TMTC2: variants seen among roughly 807,000 people sequenced by gnomAD.
TMTC2 encodes transmembrane O-mannosyltransferase targeting cadherins 2, also known as protein O-mannosyl-transferase TMTC2.
A neutral mutation model predicts 82.4 loss-of-function variants in TMTC2; 43 were observed. The observed-to-expected ratio is 0.52, with a 90% CI of 0.41 to 0.67. The LOEUF is 0.67. Among genes scored for constraint, TMTC2 ranks in the 30% least tolerant of loss-of-function variants. TMTC2 has a pLI of 0.00. For missense variants in TMTC2, 919 were observed against 1,012.4 expected (o/e 0.91, Z 1.25); for synonymous variants, 408 against 381.9 (o/e 1.07, Z -0.80).
At chr12:82,936,009 C>T (rs531536154) in intron 4 of TMTC2, among the ~76,000 whole-genome samples, 25 of 151,858 alleles carry the variant, frequency 1.6e-4, no homozygotes, top group African/African-American at 3.4e-4. Context: ...GTAAGGGTAA[C>T]GTAGGGCAAA....
At chr12:82,832,027 A>T (rs1008309977) in intron 1 of TMTC2, among the ~76,000 whole-genome samples, 2 of 152,178 alleles carry the variant, frequency 1.3e-5, no homozygotes, top group African/African-American at 4.8e-5. Context: ...TTCACAGTTG[A>T]TAGAAAGTGG....
chr12:82,890,308 C>A, intron 2 of TMTC2, among the ~76,000 whole-genome samples: 1 of 151,824 alleles, frequency 6.6e-6, no homozygotes, highest in East Asian at 1.9e-4. Context: ...ATTTTTTCTC[C>A]TAATATTCTG....
chr12:83,073,395 T>C (rs546478728), intron 11 of TMTC2, among the ~76,000 whole-genome samples: 67 of 152,344 alleles, frequency 4.4e-4, no homozygotes, highest in African/African-American at 1.6e-3. Flanking sequence ...TGCTTCTGTC[T>C]CATAGCACTT....
intron 10 of TMTC2, among the ~76,000 whole-genome samples, chr12:83,052,479 G>T (rs1882387559): frequency 6.6e-6 from 1 of 152,056 alleles, no homozygotes; most frequent in African/African-American, 2.4e-5. Context: ...ATTTTTAAAA[G>T]ACACCTCAAT....
At chr12:83,049,360 T>A (rs1378586755) in intron 9 of TMTC2, among the ~76,000 whole-genome samples, 2 of 152,192 alleles carry the variant, frequency 1.3e-5, no homozygotes, top group Non-Finnish European at 2.9e-5. Context: ...TCCCTTTTTG[T>A]GTCCACATGT....
chr12:82,805,664 C>T (rs112365228), intron 1 of TMTC2, among the ~76,000 whole-genome samples: 1,947 of 151,782 alleles, frequency 0.013, 40 homozygotes, highest in African/African-American at 0.044. Flanking sequence ...CCTGGCACCA[C>T]GCCCGGCTTT....
chr12:83,026,965 C>T (rs1881210177), intron 8 of TMTC2, among the ~76,000 whole-genome samples: 1 of 152,050 alleles, frequency 6.6e-6, no homozygotes, highest in Admixed American at 6.6e-5. Flanking sequence ...ATTTCTCTTA[C>T]ATTTATATGT....
At chr12:82,952,538 CAT>C (rs1020820732) in intron 4 of TMTC2, among the ~76,000 whole-genome samples, 10 of 152,020 alleles carry the variant, frequency 6.6e-5, no homozygotes, top group Admixed American at 3.9e-4. Context: ...CACACACACA[CAT>C]ATGTATATAT....
intron 1 of TMTC2, among the ~76,000 whole-genome samples, chr12:82,847,798 G>A (rs1452239329): frequency 6.6e-6 from 1 of 151,788 alleles, no homozygotes; most frequent in Non-Finnish European, 1.5e-5. Flanking sequence ...CCTGTCAGGG[G>A]GTGTGGGACT....
intron 4 of TMTC2, among the ~76,000 whole-genome samples, chr12:82,955,910 A>G (rs146447578): frequency 6.6e-6 from 1 of 152,306 alleles, no homozygotes; most frequent in African/African-American, 2.4e-5. Context: ...TTATAATTTA[A>G]GAGACTGGAA....
intron 1 of TMTC2, among the ~76,000 whole-genome samples, chr12:82,705,060 CTG>C (rs1873282142): frequency 6.6e-6 from 1 of 152,312 alleles, no homozygotes; most frequent in South Asian, 2.1e-4. Flanking sequence ...AGATTGGAGA[CTG>C]TTATTCTAAG....
At chr12:82,955,470 A>G (rs1877565429) in intron 4 of TMTC2, among the ~76,000 whole-genome samples, 1 of 152,206 alleles carries the variant, frequency 6.6e-6, no homozygotes, top group Non-Finnish European at 1.5e-5. Flanking sequence ...ATAAAATATT[A>G]TCTTAGACAA....
intron 8 of TMTC2, among the ~76,000 whole-genome samples, chr12:83,027,010 C>A (rs1179651541): frequency 6.6e-6 from 1 of 152,058 alleles, no homozygotes; most frequent in African/African-American, 2.4e-5. Context: ...CCTGACCAGG[C>A]ACTCTCCTAA....
chr12:82,817,024 G>A (rs769060829), intron 1 of TMTC2, among the ~76,000 whole-genome samples: 23 of 147,642 alleles, frequency 1.6e-4, no homozygotes, highest in Non-Finnish European at 3.1e-4. Flanking sequence ...CTGGAGTGCC[G>A]TGGCAGGATC....
chr12:82,876,043 T>TGGC (rs1872491474), intron 2 of TMTC2, among the ~76,000 whole-genome samples: 1 of 113,080 alleles, frequency 8.8e-6, no homozygotes, highest in Non-Finnish European at 1.9e-5. Flanking sequence ...GTGGTGGTGG[T>TGGC]GGTGGTGGTG....
intron 1 of TMTC2, among the ~76,000 whole-genome samples, chr12:82,764,482 G>A (rs1444407524): frequency 6.6e-6 from 1 of 152,046 alleles, no homozygotes; most frequent in East Asian, 1.9e-4. Flanking sequence ...AGTCAGCAGA[G>A]AGTGAAAACA....
At chr12:82,990,410 C>T (rs952974301) in intron 8 of TMTC2, among the ~76,000 whole-genome samples, 19 of 152,144 alleles carry the variant, frequency 1.2e-4, no homozygotes, top group African/African-American at 3.9e-4. Flanking sequence ...AAAGTTCAAA[C>T]GGATTTAAGG....
chr12:82,813,303 GT>G (rs1188910190), intron 1 of TMTC2, among the ~76,000 whole-genome samples: 1 of 152,076 alleles, frequency 6.6e-6, no homozygotes, highest in Admixed American at 6.5e-5. Context: ...CAGTCAAAAT[GT>G]TCTTCCTTTT....
intron 1 of TMTC2, among the ~76,000 whole-genome samples, chr12:82,701,476 G>A (rs1031124065): frequency 1.3e-5 from 2 of 151,788 alleles, no homozygotes; most frequent in Admixed American, 6.6e-5. Context: ...TCTTGGCCGG[G>A]CACTGTGGCT....
Sources: gnomAD v4.1 joint callset for allele counts (sites outside exome capture counted in the v4.1 genomes callset) on GRCh38, gnomAD v4.1.1 for gene constraint, MANE v1.5 for transcripts, NCBI Gene and HGNC (gene_info 2026-07-23, HGNC 2026-07-21) for gene names.